The following ME3 variants were observed in gnomAD, a reference collection of about 807,000 sequenced individuals.
ME3 encodes NADP-dependent malic enzyme, mitochondrial.
In ME3, 48 loss-of-function variants were observed where a neutral mutation model predicts 68.9. The ratio of observed to expected loss-of-function variants is 0.70; its 90% CI spans 0.55 to 0.89. The LOEUF (loss-of-function observed/expected upper bound fraction) is 0.89, where lower values mean the gene tolerates loss of function less well. ME3 is among the 40% of genes least tolerant of loss of function. The pLI is 0.00. For missense variants in ME3, 675 were observed against 797.4 expected (o/e 0.85, Z 1.85); for synonymous variants, 320 against 318.8 (o/e 1.00, Z -0.04).
intron 8 of ME3, 150 bp downstream of exon 8, chr11:86,464,941 T>C: frequency 1.7e-6 from 1 of 601,170 alleles, no homozygotes. Context: ...CAAGTAGGAG[T>C]TGAATCTAAG....
At chr11:86,660,764 A>G (rs1946222014) in intron 2 of ME3, among the ~76,000 whole-genome samples, 1 of 152,200 alleles carries the variant, frequency 6.6e-6, no homozygotes, top group Non-Finnish European at 1.5e-5. Context: ...ACGGATGAGA[A>G]TTGATAATCT....
intron 7 of ME3, among the ~76,000 whole-genome samples, chr11:86,471,949 A>G (rs1364695831): frequency 1.3e-5 from 2 of 152,230 alleles, no homozygotes; most frequent in Admixed American, 6.5e-5. Flanking sequence ...ATCAGTAATA[A>G]TAAAGATATG....
At chr11:86,485,805 ACC>A (rs1040713347) in intron 7 of ME3, among the ~76,000 whole-genome samples, 21 of 152,032 alleles carry the variant, frequency 1.4e-4, no homozygotes, top group African/African-American at 5.1e-4. Context: ...CCCTGATTAC[ACC>A]CTGCTCTCTT....
intron 2 of ME3, among the ~76,000 whole-genome samples, chr11:86,597,743 C>A (rs905889805): frequency 2.6e-5 from 4 of 152,090 alleles, no homozygotes; most frequent in Non-Finnish European, 5.9e-5. Flanking sequence ...CGTGACAGGG[C>A]CCTCAGGAGA....
intron 7 of ME3, among the ~76,000 whole-genome samples, chr11:86,465,498 C>T (rs78355072): frequency 0.027 from 4,147 of 152,128 alleles, 71 homozygotes; most frequent in Middle Eastern, 0.034. Context: ...CATGGCCAGC[C>T]CTGGGAGTGA....
intron 10 of ME3, among the ~76,000 whole-genome samples, chr11:86,449,494 T>C (rs963130585): frequency 2.0e-5 from 3 of 152,092 alleles, no homozygotes; most frequent in Non-Finnish European, 4.4e-5. Flanking sequence ...TATCAGAAGA[T>C]AAGGAGGAAA....
intron 1 of ME3, 75 bp from the exon 2 acceptor site, chr11:86,672,033 G>T: frequency 8.3e-7 from 1 of 1,203,072 alleles, no homozygotes; most frequent in Non-Finnish European, 1.1e-6. Context: ...GGGGCACCGG[G>T]CCTGATCCGG....
chr11:86,527,806 G>T (rs955851173), intron 4 of ME3, among the ~76,000 whole-genome samples: 7 of 152,200 alleles, frequency 4.6e-5, no homozygotes, highest in Admixed American at 1.3e-4. Context: ...AGCAAATGCT[G>T]AGAGATTTTG....
chr11:86,488,596 A>G (rs1036072019), intron 6 of ME3, among the ~76,000 whole-genome samples: 1 of 152,060 alleles, frequency 6.6e-6, no homozygotes, highest in Admixed American at 6.5e-5. Context: ...GTCATACGCT[A>G]TTGGGTTATC....
chr11:86,652,608 A>C (rs1291134958), intron 2 of ME3, among the ~76,000 whole-genome samples: 1 of 152,124 alleles, frequency 6.6e-6, no homozygotes, highest in Non-Finnish European at 1.5e-5. Context: ...TAAACATGGA[A>C]AGGAACAACC....
At chr11:86,495,906 C>T (rs913224642) in intron 6 of ME3, among the ~76,000 whole-genome samples, 1 of 152,162 alleles carries the variant, frequency 6.6e-6, no homozygotes, top group Non-Finnish European at 1.5e-5. Context: ...ACCAAGGTCC[C>T]TGGCTTGTCA....
chr11:86,497,013 G>T (rs1418011454), intron 6 of ME3, among the ~76,000 whole-genome samples: 1 of 151,940 alleles, frequency 6.6e-6, no homozygotes, highest in East Asian at 1.9e-4. Context: ...ACAGAGTCTT[G>T]CTGTGTCACC....
intron 8 of ME3, among the ~76,000 whole-genome samples, chr11:86,451,475 A>AT (rs1301548564): frequency 3.9e-5 from 6 of 152,236 alleles, no homozygotes; most frequent in African/African-American, 1.4e-4. Context: ...ACTTATGCAT[A>AT]AAACAGCCAT....
chr11:86,498,246 G>C, intron 5 of ME3, 122 bp from the exon 6 acceptor site: 1 of 1,188,312 alleles, frequency 8.4e-7, no homozygotes, highest in Non-Finnish European at 1.2e-6. Context: ...CGGTGTGAAA[G>C]AGCTTGTCTG....
intron 2 of ME3, among the ~76,000 whole-genome samples, chr11:86,572,167 T>A (rs1227366417): frequency 6.6e-6 from 1 of 152,202 alleles, no homozygotes; most frequent in Non-Finnish European, 1.5e-5. Context: ...GTCTCACAGC[T>A]GGGTTTTGCT....
intron 2 of ME3, among the ~76,000 whole-genome samples, chr11:86,598,668 G>A (rs934626717): frequency 1.3e-5 from 2 of 152,126 alleles, no homozygotes; most frequent in Admixed American, 6.5e-5. Context: ...CTCTGACCCC[G>A]ACCCCCAAGC....
Position 86,518,936 on chromosome 11 carries a change from A to C in ME3, c.468-10069T>G, listed in dbSNP as rs75217674. ...GAATGCCAAGGATTGCCAGCAAATA[A>C]CAGAAGCTAGAAGGGGCGGCAAGGA... On this transcript the variant is annotated intron_variant, in intron 4 of 14. Coordinates refer to ENST00000543262, the Ensembl canonical transcript of ME3. Among the ~76,000 whole-genome samples the C allele has an allele frequency of 1.9e-3, 284 of 152,338 alleles. 9 individuals carry two copies. The East Asian group carries it at 0.052, about 28-fold the overall frequency.
At chr11:86,519,917 G>A (rs571334114) in intron 4 of ME3, among the ~76,000 whole-genome samples, 2 of 152,358 alleles carry the variant, frequency 1.3e-5, no homozygotes, top group South Asian at 2.1e-4. Flanking sequence ...CCTCAGGGAC[G>A]TGTGACTGAA....
At chr11:86,469,365 G>A (rs1950658093) in intron 7 of ME3, among the ~76,000 whole-genome samples, 1 of 152,178 alleles carries the variant, frequency 6.6e-6, no homozygotes, top group Non-Finnish European at 1.5e-5. Context: ...TATGGGGGGT[G>A]AGTGTCTTAG....
Sources: gnomAD v4.1 joint callset for allele counts (sites outside exome capture counted in the v4.1 genomes callset) on GRCh38, gnomAD v4.1.1 for gene constraint, MANE v1.5 for transcripts, NCBI Gene and HGNC (gene_info 2026-07-23, HGNC 2026-07-21) for gene names.